The following PLD5 variants were observed in gnomAD, a reference collection of about 807,000 sequenced individuals.
PLD5 encodes inactive phospholipase D5.
PLD5 carries 36 observed loss-of-function variants against 61.1 expected under a neutral mutation model. The ratio of observed to expected loss-of-function variants is 0.59; its 90% confidence interval spans 0.45 to 0.78. PLD5 has a LOEUF of 0.78. Among genes scored for constraint, PLD5 ranks in the 30% least tolerant of loss-of-function variants. The pLI is 0.00. For synonymous variants in PLD5, 243 were observed against 242.8 expected, an observed-to-expected ratio of 1.00 and a Z score of -0.01; for missense variants, 515 against 644.4, an observed-to-expected ratio of 0.80 and a Z score of 2.17.
intron 1 of PLD5, among the ~76,000 whole-genome samples, chr1:242,455,153 T>C (rs2102929445): frequency 6.6e-6 from 1 of 152,366 alleles, no homozygotes; most frequent in South Asian, 2.1e-4. Context: ...CATACATCTA[T>C]GTGTGCATGG....
At chr1:242,427,619 C>G (rs1274526364) in intron 1 of PLD5, among the ~76,000 whole-genome samples, 1 of 152,178 alleles carries the variant, frequency 6.6e-6, no homozygotes, top group Non-Finnish European at 1.5e-5. Flanking sequence ...GAAACTCCGC[C>G]ATCCCATATG....
chr1:242,386,544 A>C (rs1205806784), intron 1 of PLD5, among the ~76,000 whole-genome samples: 7 of 152,180 alleles, frequency 4.6e-5, no homozygotes, highest in Non-Finnish European at 1.0e-4. Context: ...AGGAGAAACA[A>C]GGCAAATGTG....
chr1:242,381,930 C>T (rs527481707), intron 1 of PLD5, among the ~76,000 whole-genome samples: 1 of 152,148 alleles, frequency 6.6e-6, no homozygotes, highest in Admixed American at 6.6e-5. Flanking sequence ...AGCTAGGAGT[C>T]CACCTATTCA....
At chr1:242,525,081 G>A (rs1328078704), upstream of PLD5, among the ~76,000 whole-genome samples, 1 of 150,194 alleles carries the variant, frequency 6.7e-6, no homozygotes, top group African/African-American at 2.5e-5. Flanking sequence ...CTTGGGCTGC[G>A]CCTTCCCCCA....
Position 242,390,534 on chromosome 1 carries a change from T to C in PLD5, c.190-42292A>G, listed in dbSNP as rs975851383. On this transcript the variant is annotated intron_variant, in intron 1 of 9. Transcript: ENST00000536534. ...ACCCCGAAAAGTACCATTTCTTTGA[T>C]GCCGAAGTCAAAGTGACCTTGGTGT... Among the ~76,000 whole-genome samples the C allele has an allele frequency of 2.8e-4, 42 of 152,282 alleles. No individual in the cohort carries two copies. The East Asian group carries it at 7.1e-3, about 26-fold the overall frequency.
At chr1:242,464,432 C>T (rs371575856) in intron 1 of PLD5, among the ~76,000 whole-genome samples, 14 of 152,286 alleles carry the variant, frequency 9.2e-5, no homozygotes, top group South Asian at 2.1e-4. Flanking sequence ...ACCTCAGTTA[C>T]GGCAATTCTA....
At chr1:242,350,748 T>G (rs989388815) in intron 1 of PLD5, among the ~76,000 whole-genome samples, 8 of 152,126 alleles carry the variant, frequency 5.3e-5, no homozygotes, top group African/African-American at 1.9e-4. Flanking sequence ...CATCTCCTAT[T>G]GCAACCTCAA....
chr1:242,321,206 G>C (rs1416399532), intron 2 of PLD5, among the ~76,000 whole-genome samples: 11 of 149,040 alleles, frequency 7.4e-5, no homozygotes, highest in Non-Finnish European at 1.0e-4. Context: ...GCCTCCCCTT[G>C]ACCCATTCTA....
rs10694688 is a variant in PLD5 at position 242,131,835 on chromosome 1, CT to C, written c.736-7171del. Among the ~76,000 whole-genome samples, 699 of 122,800 alleles carry C rather than the reference CT, an allele frequency of 5.7e-3. 3 individuals are homozygous for C. Among genetic ancestry groups the C allele is most frequent in the African/African-American group, 0.02 (630 of 32,112 alleles). 80.6% of individuals were successfully genotyped at this position (122,800 alleles called of 152,430 possible). A position where few individuals can be genotyped will look rare whatever the true frequency, so the allele number is the denominator to read the frequency against. On this transcript the variant is annotated intron_variant, in intron 5 of 9. Transcript: ENST00000536534. ...CCAGAAAAGTATTTTTCTTTCTTTC[CT>C]TTTTTTTTTTTTTTTTGAGATGGAG...
At chr1:242,120,409 T>A (rs1178028738) in intron 6 of PLD5, among the ~76,000 whole-genome samples, 1 of 152,190 alleles carries the variant, frequency 6.6e-6, no homozygotes, top group Non-Finnish European at 1.5e-5. Flanking sequence ...AGCTTTGGCC[T>A]CTCAAAGTGC....
chr1:242,439,836 A>T (rs1666189375), intron 1 of PLD5, among the ~76,000 whole-genome samples: 1 of 152,216 alleles, frequency 6.6e-6, no homozygotes, highest in Non-Finnish European at 1.5e-5. Context: ...GTGAGAAGGA[A>T]ACGAAACAAA....
intron 5 of PLD5, among the ~76,000 whole-genome samples, chr1:242,170,698 A>G (rs1666683486): frequency 6.6e-6 from 1 of 152,252 alleles, no homozygotes; most frequent in African/African-American, 2.4e-5. Flanking sequence ...TAACCAGTTT[A>G]GAGAAGAATG....
intron 5 of PLD5, among the ~76,000 whole-genome samples, chr1:242,207,884 A>ATATTTATATTTATATATATT: frequency 0.019 from 554 of 28,602 alleles, 194 homozygotes; most frequent in African/African-American, 0.082. Flanking sequence ...ATATTTATAT[A>ATATTTATATTTATATATATT]TTTATATATA....
intron 1 of PLD5, among the ~76,000 whole-genome samples, chr1:242,368,018 A>T (rs531976500): frequency 6.6e-6 from 1 of 152,336 alleles, no homozygotes; most frequent in East Asian, 1.9e-4. Context: ...TGTTAAAATA[A>T]TTGGAAGGCC....
intron 5 of PLD5, among the ~76,000 whole-genome samples, chr1:242,136,789 C>T (rs901233164): frequency 5.3e-5 from 8 of 152,120 alleles, no homozygotes; most frequent in African/African-American, 1.9e-4. Flanking sequence ...AACAATTTCC[C>T]ATTAAAGGGA....
chr1:242,291,239 C>T lies in PLD5; in HGVS notation c.327-2709G>A, dbSNP rs1425404418. 7.9e-5 allele frequency among the ~76,000 whole-genome samples: 12 copies of T among 152,144 alleles called. No individual in the cohort carries two copies. The East Asian group carries it at 1.5e-3, about 20-fold the overall frequency. On this transcript the variant is annotated intron_variant, in intron 2 of 9. Transcript: ENST00000536534. ...TTCTCCTGATTGGCTTCCTTATACC[C>T]CCAAACTAGGCTAGATCCCCTTAAT...
At chr1:242,415,511 AT>A (rs397860268) in intron 1 of PLD5, among the ~76,000 whole-genome samples, 48,136 of 129,716 alleles carry the variant, frequency 0.37, 7,800 homozygotes, top group African/African-American at 0.51. Flanking sequence ...AGCCATAAAG[AT>A]TTTTTTTTTT....
intron 1 of PLD5, among the ~76,000 whole-genome samples, chr1:242,373,892 C>A (rs1311247824): frequency 2.6e-5 from 4 of 151,880 alleles, no homozygotes; most frequent in Non-Finnish European, 5.9e-5. Context: ...GTGTGCAGCA[C>A]ACCAACATGG....
At chr1:242,432,614 A>G (rs1287728184) in intron 1 of PLD5, among the ~76,000 whole-genome samples, 1 of 152,188 alleles carries the variant, frequency 6.6e-6, no homozygotes, top group Non-Finnish European at 1.5e-5. Flanking sequence ...ACAGGAGCAA[A>G]TGAAATTCTC....
Sources: gnomAD v4.1 joint callset for allele counts (sites outside exome capture counted in the v4.1 genomes callset) on GRCh38, gnomAD v4.1.1 for gene constraint, MANE v1.5 for transcripts, NCBI Gene and HGNC (gene_info 2026-07-23, HGNC 2026-07-21) for gene names.